The following SSBP3 variants were observed in gnomAD, a reference collection of about 807,000 sequenced individuals.
SSBP3 encodes the protein single-stranded DNA-binding protein 3.
A neutral mutation model predicts 69.6 loss-of-function variants in SSBP3; 5 were observed. The observed-to-expected ratio is 0.07, with a 90% CI of 0.04 to 0.15. The LOEUF (loss-of-function observed/expected upper bound fraction) is 0.15. Among genes scored for constraint, SSBP3 ranks in the 10% least tolerant of loss-of-function variants. The pLI, the probability that SSBP3 is intolerant of heterozygous loss-of-function variation, is 1.00. For synonymous variants in SSBP3, 196 were observed against 193.4 expected (o/e 1.01, Z -0.11); for missense variants, 312 against 534.0 (o/e 0.58, Z 4.10).
chr1:54,228,336 A>G (rs780637364), exon 17 of SSBP3: 3 of 1,614,084 alleles, frequency 1.9e-6, no homozygotes, highest in South Asian at 1.1e-5. Context: ...TGCTAATGCC[A>G]CTTATGTTGT....
chr1:54,275,798 T>C (rs1645273633), intron 5 of SSBP3, among the ~76,000 whole-genome samples: 1 of 152,190 alleles, frequency 6.6e-6, no homozygotes, highest in African/African-American at 2.4e-5. Context: ...CATGTCTGAG[T>C]ACATGGCAGG....
At chr1:54,334,448 C>T (rs996326762) in intron 4 of SSBP3, among the ~76,000 whole-genome samples, 10 of 152,102 alleles carry the variant, frequency 6.6e-5, no homozygotes, top group African/African-American at 2.2e-4. Context: ...CTGTCATTTC[C>T]TTCAGTGTTT....
intron 7 of SSBP3, among the ~76,000 whole-genome samples, chr1:54,255,159 G>C (rs1256935812): frequency 8.1e-5 from 3 of 37,226 alleles, no homozygotes; most frequent in African/African-American, 2.2e-4. Flanking sequence ...GCGGGGGGGC[G>C]GGGGGGGGGG....
chr1:54,278,315 C>CAAT (rs1214756199), intron 5 of SSBP3, among the ~76,000 whole-genome samples: 1 of 149,156 alleles, frequency 6.7e-6, no homozygotes, highest in Non-Finnish European at 1.5e-5. Flanking sequence ...CTGGGGATGC[C>CAAT]AATATTAGGG....
At chr1:54,340,091 G>C (rs13374742) in intron 4 of SSBP3, among the ~76,000 whole-genome samples, 26,380 of 151,928 alleles carry the variant, frequency 0.17, 3,437 homozygotes, top group East Asian at 0.44. Flanking sequence ...GCGCCTTCAA[G>C]GAAGGCATTT....
At chr1:54,372,526 C>T (rs1055151560) in intron 4 of SSBP3, among the ~76,000 whole-genome samples, 1 of 152,220 alleles carries the variant, frequency 6.6e-6, no homozygotes, top group Non-Finnish European at 1.5e-5. Context: ...CTGACCACCA[C>T]CTACCTTGTC....
intron 4 of SSBP3, among the ~76,000 whole-genome samples, chr1:54,357,776 A>G (rs1646891579): frequency 6.6e-6 from 1 of 152,244 alleles, no homozygotes; most frequent in African/African-American, 2.4e-5. Context: ...TTTGCCAAGT[A>G]ATAAGACACA....
At chr1:54,255,123 G>A (rs1010310619) in intron 7 of SSBP3, among the ~76,000 whole-genome samples, 8 of 128,144 alleles carry the variant, frequency 6.2e-5, no homozygotes, top group Non-Finnish European at 1.1e-4. Context: ...GAGTCACTGC[G>A]CCCAGCCCCA....
At chr1:54,361,678 C>G (rs1002414418) in intron 4 of SSBP3, among the ~76,000 whole-genome samples, 3 of 152,060 alleles carry the variant, frequency 2.0e-5, no homozygotes, top group Non-Finnish European at 4.4e-5. Context: ...GCGAGCTGAA[C>G]AAGCAAGGCC....
intron 4 of SSBP3, among the ~76,000 whole-genome samples, chr1:54,379,031 C>G (rs2100713305): frequency 6.6e-6 from 1 of 152,344 alleles, no homozygotes; most frequent in East Asian, 1.9e-4. Context: ...TGGCCAGGTC[C>G]CCGCCCCAAC....
At position 54,334,450 on chromosome 1, in the gene SSBP3, T is replaced by G. The variant is rs1334611344; in HGVS notation, c.277-52923A>C. Among the ~76,000 whole-genome samples, 3 of 152,188 alleles carry G rather than the reference T, an allele frequency of 2.0e-5. No homozygotes were observed. In the East Asian group the frequency reaches 5.8e-4, roughly 29 times the overall value. ...AGCAAGCTAAATGCTGTCATTTCCT[T>G]CAGTGTTTCTCCATTCCAAATCTCT... On this transcript the variant is annotated intron_variant, in intron 4 of 17. Transcript: ENST00000610401.
At chr1:54,288,521 C>T (rs1471385306) in intron 4 of SSBP3, among the ~76,000 whole-genome samples, 1 of 148,206 alleles carries the variant, frequency 6.7e-6, no homozygotes, top group African/African-American at 2.5e-5. Flanking sequence ...GGGTATGACC[C>T]TGGAATGCAA....
At chr1:54,412,405 C>T (rs1434432746) in intron 1 of SSBP3, among the ~76,000 whole-genome samples, 4 of 152,186 alleles carry the variant, frequency 2.6e-5, no homozygotes, top group African/African-American at 7.2e-5. Flanking sequence ...CATGGATGAA[C>T]GTTGAAGACA....
chr1:54,374,625 G>A (rs535526601), intron 4 of SSBP3, among the ~76,000 whole-genome samples: 1 of 152,238 alleles, frequency 6.6e-6, no homozygotes, highest in African/African-American at 2.4e-5. Flanking sequence ...AATCAGTGAA[G>A]CCTGTTCAGG....
At chr1:54,268,769 G>A (rs916420395) in intron 5 of SSBP3, among the ~76,000 whole-genome samples, 1 of 152,182 alleles carries the variant, frequency 6.6e-6, no homozygotes, top group African/African-American at 2.4e-5. Context: ...AGCAGGGGAA[G>A]AACCAGGACT....
chr1:54,244,386 G>A (rs1026074403), intron 9 of SSBP3, among the ~76,000 whole-genome samples: 2 of 152,128 alleles, frequency 1.3e-5, no homozygotes, highest in African/African-American at 4.8e-5. Flanking sequence ...ACAGGTGTGA[G>A]CCACCGCACC....
At chr1:54,302,318 A>ATTTT (rs10686460) in intron 4 of SSBP3, among the ~76,000 whole-genome samples, 5 of 144,716 alleles carry the variant, frequency 3.5e-5, no homozygotes, top group African/African-American at 7.7e-5. Context: ...TCTGAGCATA[A>ATTTT]TTTTTTTTTT....
At chr1:54,276,212 G>A (rs1477797996) in intron 5 of SSBP3, among the ~76,000 whole-genome samples, 1 of 152,130 alleles carries the variant, frequency 6.6e-6, no homozygotes, top group South Asian at 2.1e-4. Flanking sequence ...TAAGCTTTTG[G>A]CAACAGGAGC....
At chr1:54,397,515 A>G (rs1648979830) in intron 4 of SSBP3, among the ~76,000 whole-genome samples, 1 of 152,042 alleles carries the variant, frequency 6.6e-6, no homozygotes, top group Admixed American at 6.5e-5. Context: ...CTGAGGGAGG[A>G]GTCAGCAGTC....
Sources: gnomAD v4.1 joint callset for allele counts (sites outside exome capture counted in the v4.1 genomes callset) on GRCh38, gnomAD v4.1.1 for gene constraint, MANE v1.5 for transcripts, NCBI Gene and HGNC (gene_info 2026-07-23, HGNC 2026-07-21) for gene names.